The following CHST9 variants were observed in gnomAD, a reference collection of about 807,000 sequenced individuals.
CHST9 encodes GalNAc-4-sulfotransferase 2.
A neutral mutation model predicts 44.4 loss-of-function variants in CHST9; 41 were observed. The observed-to-expected ratio is 0.92, with a 90% CI of 0.72 to 1.20. The LOEUF (loss-of-function observed/expected upper bound fraction) is 1.20. Among genes scored for constraint, CHST9 ranks in the 50% most tolerant of loss-of-function variants. CHST9 has a pLI of 0.00. For synonymous variants in CHST9, 171 were observed against 178.4 expected, an observed-to-expected ratio of 0.96 and a Z score of 0.33; for missense variants, 504 against 516.5, an observed-to-expected ratio of 0.98 and a Z score of 0.23.
chr18:27,171,183 C>T (rs1274603297), intron 1 of CHST9, among the ~76,000 whole-genome samples: 2 of 152,130 alleles, frequency 1.3e-5, no homozygotes. Flanking sequence ...TGTAGGCTCC[C>T]CGTGTACAAC....
At chr18:26,979,476 T>G (rs1264829896) in intron 4 of CHST9, among the ~76,000 whole-genome samples, 2 of 152,184 alleles carry the variant, frequency 1.3e-5, no homozygotes, top group African/African-American at 4.8e-5. Context: ...TTATTTCCAT[T>G]TTTTTCTGCC....
intron 2 of CHST9, among the ~76,000 whole-genome samples, chr18:27,096,058 C>T (rs973506192): frequency 6.6e-6 from 1 of 151,854 alleles, no homozygotes; most frequent in Admixed American, 6.6e-5. Flanking sequence ...CAATAAATTC[C>T]AAAAAATAGA....
intron 2 of CHST9, among the ~76,000 whole-genome samples, chr18:27,064,260 C>T (rs900365944): frequency 7.4e-6 from 1 of 135,340 alleles, no homozygotes; most frequent in African/African-American, 2.9e-5. Context: ...AATACCTAAG[C>T]CTTACAGCGA....
chr18:27,117,478 A>G lies in CHST9; in HGVS notation c.121+25211T>C, dbSNP rs1180753452. ...AGGGTTAATAAATGTATAACAACAT[A>G]TATCTATCATTATAGTATCTTACAT... On this transcript the variant is annotated intron_variant, in intron 2 of 5. Transcript: ENST00000618847. Among the ~76,000 whole-genome samples, 5 of 152,300 alleles carry G rather than the reference A, an allele frequency of 3.3e-5. No individual in the cohort carries two copies. In the East Asian group the frequency reaches 7.7e-4, roughly 24 times the overall value.
intron 3 of CHST9, among the ~76,000 whole-genome samples, chr18:27,038,777 A>T (rs1286477900): frequency 3.9e-5 from 6 of 152,126 alleles, no homozygotes; most frequent in African/African-American, 1.4e-4. Context: ...GCATCATGTA[A>T]TCTACTATTT....
chr18:26,996,316 C>T (rs1385638204), intron 4 of CHST9, among the ~76,000 whole-genome samples: 2 of 152,134 alleles, frequency 1.3e-5, no homozygotes, highest in Non-Finnish European at 2.9e-5. Flanking sequence ...GATGTTTTGT[C>T]CCCTCCAAAT....
At chr18:27,037,812 C>A (rs554821352) in intron 3 of CHST9, among the ~76,000 whole-genome samples, 1 of 151,648 alleles carries the variant, frequency 6.6e-6, no homozygotes, top group Non-Finnish European at 1.5e-5. Context: ...ATGATTAAAT[C>A]CATCTTTCAG....
At chr18:27,011,060 A>G (rs1393935003) in intron 4 of CHST9, among the ~76,000 whole-genome samples, 1 of 152,190 alleles carries the variant, frequency 6.6e-6, no homozygotes, top group African/African-American at 2.4e-5. Flanking sequence ...CAAGCTTGAG[A>G]AGCCCTGGCA....
At chr18:27,184,637 C>G (rs2057977545) in intron 1 of CHST9, among the ~76,000 whole-genome samples, 1 of 152,110 alleles carries the variant, frequency 6.6e-6, no homozygotes, top group South Asian at 2.1e-4. Flanking sequence ...GAGACTGACG[C>G]AAAGGAGGCA....
chr18:27,044,727 A>G (rs2057480046), intron 3 of CHST9, among the ~76,000 whole-genome samples: 1 of 152,060 alleles, frequency 6.6e-6, no homozygotes, highest in African/African-American at 2.4e-5. Context: ...AAAAATAGAA[A>G]TAGCCTAGAG....
chr18:26,955,005 T>C lies in CHST9; in HGVS notation c.203-10639A>G, dbSNP rs1486122632. Among the ~76,000 whole-genome samples the C allele has an allele frequency of 2.6e-5, 4 of 152,006 alleles. No homozygotes were observed. In the East Asian group the frequency reaches 5.8e-4, roughly 22 times the overall value. The stretch of plus-strand genomic sequence containing the variant: ...AAGCCTTGCACTAGCCTCCAACATA[T>C]TGAGGGCAGCTGCTCCTGGCCCTGG... On this transcript the variant is annotated intron_variant, in intron 4 of 5. Coordinates refer to ENST00000618847, the MANE Select transcript of CHST9 (RefSeq NM_031422.6).
At chr18:27,026,603 A>G (rs1274781663) in intron 3 of CHST9, among the ~76,000 whole-genome samples, 1 of 152,184 alleles carries the variant, frequency 6.6e-6, no homozygotes, top group Non-Finnish European at 1.5e-5. Context: ...ATATTTGTAC[A>G]TAATAAATAT....
At chr18:26,938,070 G>A (rs1490003231) in intron 5 of CHST9, among the ~76,000 whole-genome samples, 7 of 144,364 alleles carry the variant, frequency 4.8e-5, no homozygotes, top group African/African-American at 1.5e-4. Context: ...TTCTCACAGT[G>A]TTTATTCCAA....
At chr18:27,053,130 G>GAAGAAGAA (rs2057589643) in intron 2 of CHST9, among the ~76,000 whole-genome samples, 2 of 71,200 alleles carry the variant, frequency 2.8e-5, no homozygotes, top group African/African-American at 1.1e-4. Flanking sequence ...AGGAAGAAGA[G>GAAGAAGAA]GAAGAAGAAG....
chr18:26,948,890 G>A (rs548618144), intron 4 of CHST9, among the ~76,000 whole-genome samples: 41 of 152,242 alleles, frequency 2.7e-4, no homozygotes, highest in African/African-American at 9.4e-4. Context: ...TGGGTGAATC[G>A]TGAGAAGTTC....
chr18:27,100,864 C>T (rs2143749262), intron 2 of CHST9, among the ~76,000 whole-genome samples: 1 of 152,286 alleles, frequency 6.6e-6, no homozygotes, highest in East Asian at 1.9e-4. Flanking sequence ...GCATGTAATT[C>T]AGACATGATG....
intron 2 of CHST9, among the ~76,000 whole-genome samples, chr18:27,139,259 G>A (rs2058544484): frequency 6.6e-6 from 1 of 152,058 alleles, no homozygotes; most frequent in Admixed American, 6.6e-5. Flanking sequence ...TGAAATATAT[G>A]TGTGATCAAA....
chr18:27,015,174 G>A (rs1172058677), intron 4 of CHST9, among the ~76,000 whole-genome samples: 2 of 152,166 alleles, frequency 1.3e-5, no homozygotes, highest in African/African-American at 4.8e-5. Context: ...AGATATTCTT[G>A]TAGCTGGTGC....
At chr18:26,983,176 G>C (rs1256008201) in intron 4 of CHST9, among the ~76,000 whole-genome samples, 1 of 152,194 alleles carries the variant, frequency 6.6e-6, no homozygotes, top group African/African-American at 2.4e-5. Flanking sequence ...TTTGGAGAAA[G>C]TATAGGTCCT....
Sources: gnomAD v4.1 joint callset for allele counts (sites outside exome capture counted in the v4.1 genomes callset) on GRCh38, gnomAD v4.1.1 for gene constraint, MANE v1.5 for transcripts, NCBI Gene and HGNC (gene_info 2026-07-23, HGNC 2026-07-21) for gene names.